Variants in TAMM41 observed in about 807,000 individuals in gnomAD.
TAMM41 encodes phosphatidate cytidylyltransferase, mitochondrial.
A neutral mutation model predicts 44.1 loss-of-function variants in TAMM41; 36 were observed. The observed-to-expected ratio is 0.82, with a 90% CI of 0.63 to 1.08. The LOEUF (loss-of-function observed/expected upper bound fraction) is 1.08. Ranked by LOEUF, TAMM41 falls within the 50% of genes least tolerant of loss-of-function variation. The pLI is 0.00. For missense variants in TAMM41, 417 were observed against 404.3 expected, an observed-to-expected ratio of 1.03 and a Z score of -0.27; for synonymous variants, 164 against 153.1, an observed-to-expected ratio of 1.07 and a Z score of -0.53.
the TAMM41 span, among the ~76,000 whole-genome samples, chr3:11,758,488 A>G: frequency 1.3e-5 from 2 of 151,858 alleles, no homozygotes; most frequent in Non-Finnish European, 2.9e-5. Flanking sequence ...AGTAGCTGGG[A>G]TTACATGCAC....
intron 7 of TAMM41, among the ~76,000 whole-genome samples, chr3:11,797,706 A>C (rs1438647649): frequency 6.6e-6 from 1 of 152,242 alleles, no homozygotes; most frequent in Non-Finnish European, 1.5e-5. Context: ...GAGTGAACAG[A>C]CAACCTAGGA....
In TAMM41 at chr3:11,807,861, T is replaced by A. The variant is rs1325752078; in HGVS notation, c.909A>T (p.Arg303Ser). Residue 303 changes from arginine to serine, a missense_variant, in exon 7 of 8, where the codon AGA (arginine) becomes AGT (serine). By Grantham distance (110) the Arg-to-Ser change is moderately radical. Coordinates refer to ENST00000455809, the MANE Select transcript of TAMM41 (RefSeq NM_001284401.2). The stretch of plus-strand genomic sequence containing the variant: ...CAGTAAAAATGCCTTTCGTGCTCTG[T>A]CTTATACTAGACGGTCTCACGATTG... ...LSAIVRPSSIRQSTKGIFTAG... is the reference protein window; with the variant it reads ...LSAIVRPSSISQSTKGIFTAG... 7.2e-6 allele frequency: 11 copies of A among 1,535,918 alleles called. 1 individual carries two copies. The highest frequency in any genetic ancestry group is 9.6e-6 in the Non-Finnish European group (11 of 1,146,880).
intron 7 of TAMM41, among the ~76,000 whole-genome samples, chr3:11,794,206 A>G (rs1187613333): frequency 6.6e-6 from 1 of 151,486 alleles, no homozygotes. Flanking sequence ...GCATAATCAA[A>G]GCTCACTGGA....
intron 6 of TAMM41, chr3:11,808,490 C>A: frequency 1.0e-6 from 1 of 985,880 alleles, no homozygotes; most frequent in South Asian, 4.7e-5. Flanking sequence ...GGGCGTGGAG[C>A]GCCTGCTGCA....
intron 5 of TAMM41, 162 bp downstream of exon 5, chr3:11,817,030 T>G (rs1197277347): frequency 8.7e-6 from 6 of 686,830 alleles, no homozygotes; most frequent in African/African-American, 1.8e-5. Flanking sequence ...CTGTTACCTT[T>G]TAGCATTATT....
At chr3:11,729,544 T>C in the TAMM41 span, among the ~76,000 whole-genome samples, 1 of 34,656 alleles carries the variant, frequency 2.9e-5, no homozygotes, top group Non-Finnish European at 5.4e-5. Context: ...CTTTCATTTT[T>C]TTTTTTTTTT....
intron 5 of TAMM41, among the ~76,000 whole-genome samples, chr3:11,813,207 C>A (rs2078145504): frequency 6.6e-6 from 1 of 152,148 alleles, no homozygotes; most frequent in Non-Finnish European, 1.5e-5. Context: ...ATTCTACAGA[C>A]ACTGATATTT....
the TAMM41 span, among the ~76,000 whole-genome samples, chr3:11,727,286 C>G: frequency 6.6e-6 from 1 of 152,112 alleles, no homozygotes; most frequent in Non-Finnish European, 1.5e-5. Context: ...TGCTTATGCC[C>G]CTCACTCCTC....
At chr3:11,761,363 T>G in the TAMM41 span, among the ~76,000 whole-genome samples, 22 of 152,100 alleles carry the variant, frequency 1.4e-4, no homozygotes, top group Non-Finnish European at 3.1e-4. Context: ...GTTTCTCTGC[T>G]GCGCTCCATC....
the TAMM41 span, among the ~76,000 whole-genome samples, chr3:11,783,476 G>C: frequency 6.3e-4 from 96 of 152,334 alleles, no homozygotes; most frequent in Non-Finnish European, 1.3e-3. Flanking sequence ...GCCAGGGCAA[G>C]CAACCTGGAG....
At chr3:11,751,089 CTTTTTTTT>C in the TAMM41 span, among the ~76,000 whole-genome samples, 3 of 130,278 alleles carry the variant, frequency 2.3e-5, no homozygotes, top group Non-Finnish European at 3.2e-5. Flanking sequence ...ACAGATGATA[CTTTTTTTT>C]TTTTTTTTTT....
the TAMM41 span, among the ~76,000 whole-genome samples, chr3:11,736,458 G>T: frequency 3.9e-5 from 6 of 152,184 alleles, no homozygotes; most frequent in Non-Finnish European, 7.3e-5. Flanking sequence ...AGCTTGTTTT[G>T]ATAAATGTCA....
At chr3:11,745,433 G>T in the TAMM41 span, among the ~76,000 whole-genome samples, 4 of 152,178 alleles carry the variant, frequency 2.6e-5, no homozygotes, top group South Asian at 8.3e-4. Flanking sequence ...AAGCAAATGC[G>T]CATTGATAAA....
At chr3:11,746,016 T>G in the TAMM41 span, among the ~76,000 whole-genome samples, 21 of 152,190 alleles carry the variant, frequency 1.4e-4, no homozygotes, top group African/African-American at 4.8e-4. Context: ...ATTTAAAAAT[T>G]TAGGCCGGGC....
chr3:11,792,285 G>C (rs2077498285), intron 7 of TAMM41, among the ~76,000 whole-genome samples: 2 of 152,052 alleles, frequency 1.3e-5, no homozygotes, highest in African/African-American at 2.4e-5. Context: ...AGGGAAATCT[G>C]TTAGAAAGAG....
chr3:11,745,307 G>A, the TAMM41 span, among the ~76,000 whole-genome samples: 3 of 152,176 alleles, frequency 2.0e-5, no homozygotes, highest in Non-Finnish European at 4.4e-5. Flanking sequence ...CTCCAACTTG[G>A]ACAACAGAGT....
intron 1 of TAMM41, among the ~76,000 whole-genome samples, chr3:11,844,705 TA>T (rs2079595773): frequency 6.6e-6 from 1 of 152,212 alleles, no homozygotes; most frequent in African/African-American, 2.4e-5. Flanking sequence ...GGATAAACTC[TA>T]CAAAATACTA....
chr3:11,830,933 T>C (rs2078960174), intron 3 of TAMM41: 1 of 152,128 alleles, frequency 6.6e-6, no homozygotes, highest in Non-Finnish European at 1.5e-5. Context: ...ATTCTTACTT[T>C]TAAAGATTGC....
At chr3:11,801,695 A>G (rs556770807) in intron 7 of TAMM41, among the ~76,000 whole-genome samples, 21 of 152,344 alleles carry the variant, frequency 1.4e-4, no homozygotes, top group Non-Finnish European at 2.5e-4. Context: ...CAGCAAAAGC[A>G]GTGCTAAGAG....
Sources: gnomAD v4.1 joint callset for allele counts (sites outside exome capture counted in the v4.1 genomes callset) on GRCh38, gnomAD v4.1.1 for gene constraint, MANE v1.5 for transcripts, NCBI Gene and HGNC (gene_info 2026-07-23, HGNC 2026-07-21) for gene names.